PHACTR2: variants seen among roughly 807,000 people sequenced by gnomAD.
The protein encoded by PHACTR2 is phosphatase and actin regulator 2.
PHACTR2 carries 30 observed loss-of-function variants against 76.0 expected under a neutral mutation model. The ratio of observed to expected loss-of-function variants is 0.39; its 90% CI spans 0.30 to 0.54. The LOEUF (loss-of-function observed/expected upper bound fraction) is 0.54, where lower values mean the gene tolerates loss of function less well. Ranked by LOEUF, PHACTR2 falls within the 20% of genes least tolerant of loss-of-function variation. The probability of loss-of-function intolerance (pLI) is 0.61; values close to 1 mark genes in which losing one functional copy is unlikely to be tolerated. For synonymous variants in PHACTR2, 292 were observed against 292.5 expected (o/e 1.00, Z 0.02); for missense variants, 696 against 781.1 (o/e 0.89, Z 1.30).
rs1427362361 is a variant in PHACTR2 at position 143,698,778 on chromosome 6, G to A, written c.47-13238G>A. 6.6e-6 allele frequency among the ~76,000 whole-genome samples: 1 copy of A among 152,196 alleles called. No individual in the cohort carries two copies. Among genetic ancestry groups the A allele is most frequent in the Non-Finnish European group, 1.5e-5 (1 of 68,038 alleles). ...ATCTGATCTGTTTTTGCTTACCATTGTAGCCCTTCCTCTATAATAGCTGCT... is the reference window on the plus strand; with the variant it reads ...ATCTGATCTGTTTTTGCTTACCATTATAGCCCTTCCTCTATAATAGCTGCT... On this transcript the variant is annotated intron_variant, in intron 1 of 12. Coordinates refer to ENST00000440869, the MANE Select transcript of PHACTR2 (RefSeq NM_001100164.2). The surrounding 1 kb of genome is among the most constrained non-coding windows in gnomAD (Gnocchi z 4.3).
chr6:143,699,903 T>G (rs981873390), intron 1 of PHACTR2, among the ~76,000 whole-genome samples: 2 of 152,190 alleles, frequency 1.3e-5, no homozygotes, highest in African/African-American at 4.8e-5. Flanking sequence ...TATGACTAAT[T>G]GACATAAATT....
Position 143,772,317 on chromosome 6 carries a change from T to C in PHACTR2, c.1292T>C (p.Met431Thr), listed in dbSNP as rs780720648. Residue 431 changes from methionine to threonine, a missense_variant, in exon 7 of 13, where the codon ATG becomes ACG. Physicochemically the swap from Met to Thr is moderately conservative, Grantham distance 81 (BLOSUM62 -1). This residue lies in a region of PHACTR2 where 236 missense variants were observed against 330.2 expected (regional missense o/e 0.71). Coordinates refer to ENST00000440869, the MANE Select transcript of PHACTR2 (RefSeq NM_001100164.2). The surrounding 1 kb of genome is among the most constrained non-coding windows in gnomAD (Gnocchi z 5.4). ...CCTCAGCTACTGACTCCTGGGCTGA[T>C]GGGCGAATCTTCAGAATCCTTTAGT... ...TVPQLLTPGL[M>T]GESSESFSAS... 71 of 1,613,922 alleles carry C rather than the reference T, an allele frequency of 4.4e-5. No homozygotes were observed. The highest frequency in any genetic ancestry group is 3.3e-4 in the Middle Eastern group (2 of 6,084).
At chr6:143,576,875 C>CAAAAAA (rs35937662) in intron 1 of PHACTR2, among the ~76,000 whole-genome samples, 19 of 102,556 alleles carry the variant, frequency 1.9e-4, no homozygotes, top group African/African-American at 5.3e-4. Context: ...GACTCTGTCT[C>CAAAAAA]AAAAAAAAAA....
In PHACTR2 at chr6:143,724,357, C is replaced by A. The variant is rs187971151; in HGVS notation, c.214+12174C>A. Among the ~76,000 whole-genome samples the A allele has an allele frequency of 1.1e-4, 16 of 152,250 alleles. No homozygotes were observed. The Middle Eastern group carries it at 0.01, about 97-fold the overall frequency. On this transcript the variant is annotated intron_variant, in intron 2 of 12. Transcript: ENST00000440869. ...CTGTGTTAGCCAGGATGGTCTCGAT[C>A]TCCCGAACTCGTGATCCACCCGCCT...
rs551890566 is a variant in PHACTR2, at chr6:143,547,358, A to G, written c.217+10151A>G. ...GTAACAGTGGCCACATAGTAGGAAT[A>G]CATTTATTGTCTCCCAGCATGATTA... On this transcript the variant is annotated intron_variant, in intron 1 of 11. Transcript: ENST00000367584. This position sits in a 1 kb window ranked among gnomAD's most constrained non-coding sequence, Gnocchi z 4.2. 5.2e-4 allele frequency among the ~76,000 whole-genome samples: 79 copies of G among 152,372 alleles called. No homozygotes were observed. The South Asian group carries it at 0.016, about 30-fold the overall frequency.
In PHACTR2 at chr6:143,730,434, TA is replaced by T. The variant is rs1778675057; in HGVS notation, c.214+18252del. On this transcript the variant is annotated intron_variant, in intron 2 of 12. Coordinates refer to ENST00000440869, the MANE Select transcript of PHACTR2 (RefSeq NM_001100164.2). This position sits in a 1 kb window ranked among gnomAD's most constrained non-coding sequence, Gnocchi z 4.8. Reference sequence around the variant, plus strand: ...TCTTTATTTTTTAGCTACTGTAAATTATATATATTTTTAAATGTCAATTTCC... The same window carrying T: ...TCTTTATTTTTTAGCTACTGTAAATTTATATATTTTTAAATGTCAATTTCC... Among the ~76,000 whole-genome samples the T allele has an allele frequency of 6.6e-6, 1 of 152,162 alleles. No individual in the cohort carries two copies.
In PHACTR2 at chr6:143,775,576, C is replaced by T. The variant is rs1398842763; in HGVS notation, c.1589+1361C>T. The stretch of plus-strand genomic sequence containing the variant: ...AGTAGCAGAACCAGAATTAGAATTT[C>T]GCTCCTGGGCTCTCTGCCCAATTTT... On this transcript the variant is annotated intron_variant, in intron 8 of 12. Transcript: ENST00000440869. This position sits in a 1 kb window ranked among gnomAD's most constrained non-coding sequence, Gnocchi z 4.4. 2.0e-5 allele frequency among the ~76,000 whole-genome samples: 3 copies of T among 152,192 alleles called. No homozygotes were observed. Among genetic ancestry groups the T allele is most frequent in the Non-Finnish European group, 4.4e-5 (3 of 68,038 alleles).
rs376908721 is a variant in PHACTR2 at position 143,639,634 on chromosome 6, A to T, written c.13+31312A>T. ...TTACTAACTCTCCCTTTGATGATGG[A>T]TTAGCATACCCCATCATGAGTAAGG... is the stretch of plus-strand genomic sequence containing the variant. On this transcript the variant is annotated intron_variant, in intron 1 of 11. Coordinates refer to the PHACTR2 transcript ENST00000305766. This position sits in a 1 kb window ranked among gnomAD's most constrained non-coding sequence, Gnocchi z 5.0. Among the ~76,000 whole-genome samples the T allele has an allele frequency of 6.6e-6, 1 of 152,286 alleles. No individual in the cohort carries two copies.
In PHACTR2 at chr6:143,688,777, A is replaced by C. The variant is rs1777576612; in HGVS notation, c.46+10568A>C. On this transcript the variant is annotated intron_variant, in intron 1 of 12. Transcript: ENST00000440869. This position sits in a 1 kb window ranked among gnomAD's most constrained non-coding sequence, Gnocchi z 5.2. Reference sequence around the variant, plus strand: ...TCCATTACATGGACAACTGCAGTAGATTCCAGCTGCTCTCCTGCTTCTGTT... The same window carrying C: ...TCCATTACATGGACAACTGCAGTAGCTTCCAGCTGCTCTCCTGCTTCTGTT... 6.6e-6 allele frequency among the ~76,000 whole-genome samples: 1 copy of C among 152,208 alleles called. No individual in the cohort carries two copies. The highest frequency in any genetic ancestry group is 2.4e-5 in the African/African-American group (1 of 41,450).
rs1209263226 is a variant in PHACTR2, at chr6:143,648,838, GTGTC to G, written c.13+40520_13+40523del. On this transcript the variant is annotated intron_variant, in intron 1 of 11. Coordinates refer to the PHACTR2 transcript ENST00000305766. The surrounding 1 kb of genome is among the most constrained non-coding windows in gnomAD (Gnocchi z 6.7). Reference sequence around the variant, plus strand: ...TGTATATCTGTGTGTATACAAGTGTGTGTCTGTGTATGTGTCCATGTGTGTGTCT... The same window carrying G: ...TGTATATCTGTGTGTATACAAGTGTGTGTGTATGTGTCCATGTGTGTGTCT... 4.6e-5 allele frequency among the ~76,000 whole-genome samples: 7 copies of G among 151,820 alleles called. No individual in the cohort carries two copies. The highest frequency in any genetic ancestry group is 1.7e-4 in the African/African-American group (7 of 41,278).
intron 1 of PHACTR2, among the ~76,000 whole-genome samples, chr6:143,706,836 C>T (rs933361642): frequency 6.6e-6 from 1 of 152,156 alleles, no homozygotes; most frequent in Non-Finnish European, 1.5e-5. Context: ...TCTGTGATGG[C>T]TTATACCATC....
intron 1 of PHACTR2, among the ~76,000 whole-genome samples, chr6:143,637,554 T>C (rs1201194335): frequency 6.6e-6 from 1 of 152,258 alleles, no homozygotes; most frequent in Non-Finnish European, 1.5e-5. Flanking sequence ...ATATTAACTA[T>C]GTCACAGCTT....
At chr6:143,790,819 G>A (rs1009464547) in intron 11 of PHACTR2, among the ~76,000 whole-genome samples, 5 of 151,908 alleles carry the variant, frequency 3.3e-5, no homozygotes, top group Admixed American at 6.6e-5. Flanking sequence ...GACTACAGGC[G>A]CCCGCCACCA....
chr6:143,711,992 C>T, intron 1 of PHACTR2, 24 bp from the exon 2 acceptor site: 1 of 1,601,290 alleles, frequency 6.2e-7, no homozygotes, highest in Non-Finnish European at 8.5e-7. Flanking sequence ...CAACCTTTCT[C>T]TGTCTATATC....
intron 11 of PHACTR2, among the ~76,000 whole-genome samples, chr6:143,790,680 T>TC: frequency 6.6e-6 from 1 of 151,472 alleles, no homozygotes; most frequent in East Asian, 1.9e-4. Flanking sequence ...AAGATTCTTT[T>TC]TTTTTTTTTT....
chr6:143,830,840 G>T lies in PHACTR2; in HGVS notation c.*7151G>T, dbSNP rs1776652420. 6.6e-6 allele frequency: 1 copy of T among 152,124 alleles called. No individual in the cohort carries two copies. Among genetic ancestry groups the T allele is most frequent in the African/African-American group, 2.4e-5 (1 of 41,434 alleles). 9.4% of individuals were successfully genotyped at this position (152,124 alleles called of 1,614,324 possible). On this transcript the variant is annotated 3_prime_UTR_variant, in exon 13 of 13. Coordinates refer to ENST00000440869, the MANE Select transcript of PHACTR2 (RefSeq NM_001100164.2). The stretch of plus-strand genomic sequence containing the variant: ...ATTGGGAAATCCCCAGTTTTAGTTT[G>T]TTCCAGTTTCTCTTATATTTGGATA...
In PHACTR2 at chr6:143,765,822, A is replaced by G; in HGVS notation, c.1232+24A>G. The G allele has an allele frequency of 6.4e-7, 1 of 1,568,504 alleles. No homozygotes were observed. The highest frequency in any genetic ancestry group is 8.7e-7 in the Non-Finnish European group (1 of 1,147,278). ...TGGTGAGTTGGGGAACAAACCCCCT[A>G]TTTTATCTGAGAACTAAAGATCACT... On this transcript the variant is annotated intron_variant, in intron 6 of 12. Coordinates refer to ENST00000440869, the MANE Select transcript of PHACTR2 (RefSeq NM_001100164.2). The surrounding 1 kb of genome is among the most constrained non-coding windows in gnomAD (Gnocchi z 4.1).
At chr6:143,572,869 C>A (rs928334558) in intron 1 of PHACTR2, among the ~76,000 whole-genome samples, 1 of 152,170 alleles carries the variant, frequency 6.6e-6, no homozygotes, top group Non-Finnish European at 1.5e-5. Flanking sequence ...GGTTTATTTT[C>A]TTTTGAAATT....
chr6:143,738,223 C>T lies in PHACTR2; in HGVS notation c.215-10762C>T, dbSNP rs1294772160. ...TCAGGAGTTCGAAACCAGTGGGGGGCGCCTGTAATCCCAGCTACTCAGGAG... is the reference window on the plus strand; with the variant it reads ...TCAGGAGTTCGAAACCAGTGGGGGGTGCCTGTAATCCCAGCTACTCAGGAG... On this transcript the variant is annotated intron_variant, in intron 2 of 12. Coordinates refer to ENST00000440869, the MANE Select transcript of PHACTR2 (RefSeq NM_001100164.2). This position sits in a 1 kb window ranked among gnomAD's most constrained non-coding sequence, Gnocchi z 4.0. 3.9e-5 allele frequency among the ~76,000 whole-genome samples: 6 copies of T among 151,928 alleles called. No individual in the cohort carries two copies. The highest frequency in any genetic ancestry group is 1.9e-4 in the East Asian group (1 of 5,168).
Sources: allele counts gnomAD v4.1 joint callset (sites outside exome capture counted in the v4.1 genomes callset), GRCh38; gene constraint gnomAD v4.1.1; regional missense constraint gnomAD v4.1.1; non-coding constraint Gnocchi (gnomAD v3.1); transcripts MANE v1.5; gene names NCBI Gene and HGNC (gene_info 2026-07-23, HGNC 2026-07-21).